The following ADAMTS17 variants were observed in gnomAD, a reference collection of about 807,000 sequenced individuals.
ADAMTS17 encodes ADAM metallopeptidase with thrombospondin type 1 motif 17.
ADAMTS17 carries 113 observed loss-of-function variants against 141.5 expected under a neutral mutation model. The observed-to-expected ratio is 0.80, with a 90% CI of 0.69 to 0.93. The LOEUF (loss-of-function observed/expected upper bound fraction) is 0.93. Among genes scored for constraint, ADAMTS17 ranks in the 40% least tolerant of loss-of-function variants. ADAMTS17 has a pLI of 0.00. For synonymous variants in ADAMTS17, 768 were observed against 630.6 expected, an observed-to-expected ratio of 1.22 and a Z score of -3.27; for missense variants, 1,659 against 1,517.9, an observed-to-expected ratio of 1.09 and a Z score of -1.54.
chr15:100,270,521 T>G (rs983221596), intron 4 of ADAMTS17, among the ~76,000 whole-genome samples: 2 of 152,106 alleles, frequency 1.3e-5, no homozygotes, highest in East Asian at 3.9e-4. Context: ...GTAAAGCCAG[T>G]GTTTGTTTCT....
chr15:100,059,272 C>G (rs1258089752), intron 15 of ADAMTS17, among the ~76,000 whole-genome samples: 1 of 152,258 alleles, frequency 6.6e-6, no homozygotes, highest in Non-Finnish European at 1.5e-5. Flanking sequence ...TGCCCACGCA[C>G]TGCCTGTGGC....
intron 4 of ADAMTS17, among the ~76,000 whole-genome samples, chr15:100,265,905 T>C (rs1243998602): frequency 6.6e-6 from 1 of 152,192 alleles, no homozygotes. Context: ...ACCCTGGGTG[T>C]GGGCAGGTCA....
Position 100,273,680 on chromosome 15 carries a change from C to T in ADAMTS17, c.789+7549G>A, listed in dbSNP as rs1032184618. Among the ~76,000 whole-genome samples, 11 of 152,116 alleles carry T rather than the reference C, an allele frequency of 7.2e-5. 1 individual carries two copies. The highest frequency in any genetic ancestry group is 1.6e-4 in the Non-Finnish European group (11 of 67,986). On this transcript the variant is annotated intron_variant, in intron 4 of 21. Coordinates refer to ENST00000268070, the MANE Select transcript of ADAMTS17 (RefSeq NM_139057.4). ...CTCTATTGTTTTTCTGTCCTTTTCTCTCTGCTTTAATCCATAGCAATCCAA... is the reference window on the plus strand; with the variant it reads ...CTCTATTGTTTTTCTGTCCTTTTCTTTCTGCTTTAATCCATAGCAATCCAA...
At chr15:100,201,476 C>T (rs2041331382) in intron 7 of ADAMTS17, among the ~76,000 whole-genome samples, 1 of 152,194 alleles carries the variant, frequency 6.6e-6, no homozygotes, top group South Asian at 2.1e-4. Flanking sequence ...TACCCAGTCT[C>T]AGGTAGTATC....
chr15:100,157,047 C>G (rs1410463774), intron 8 of ADAMTS17, among the ~76,000 whole-genome samples: 1 of 152,156 alleles, frequency 6.6e-6, no homozygotes, highest in Non-Finnish European at 1.5e-5. Flanking sequence ...AAGCAAAGAC[C>G]TACTTCAAAT....
chr15:100,071,231 G>A (rs1186784610), intron 15 of ADAMTS17, among the ~76,000 whole-genome samples: 3 of 150,298 alleles, frequency 2.0e-5, no homozygotes, highest in African/African-American at 4.9e-5. Context: ...AACAGGCTCA[G>A]AAATTGAGGC....
At chr15:100,266,597 C>T (rs1442689350) in intron 4 of ADAMTS17, among the ~76,000 whole-genome samples, 1 of 152,226 alleles carries the variant, frequency 6.6e-6, no homozygotes, top group Non-Finnish European at 1.5e-5. Flanking sequence ...GGTCGGCCTG[C>T]CCGCTTCTCA....
At chr15:100,094,430 G>A (rs2035642870) in intron 15 of ADAMTS17, among the ~76,000 whole-genome samples, 1 of 152,276 alleles carries the variant, frequency 6.6e-6, no homozygotes, top group Non-Finnish European at 1.5e-5. Context: ...GTGGCCAGAT[G>A]AACAGGTCTG....
intron 15 of ADAMTS17, among the ~76,000 whole-genome samples, 189 bp downstream of exon 15, chr15:100,096,167 G>C (rs544833991): frequency 3.2e-4 from 48 of 152,188 alleles, no homozygotes; most frequent in Non-Finnish European, 6.2e-4. Context: ...TTCACTACTA[G>C]CAACGTGAAG....
chr15:100,307,038 T>G, intron 3 of ADAMTS17, among the ~76,000 whole-genome samples: 1 of 152,160 alleles, frequency 6.6e-6, no homozygotes, highest in South Asian at 2.1e-4. Flanking sequence ...ATCCCAAAAG[T>G]CTGGGTTCAG....
chr15:100,021,271 C>T (rs563312966), intron 18 of ADAMTS17, among the ~76,000 whole-genome samples: 20 of 152,128 alleles, frequency 1.3e-4, no homozygotes, highest in Non-Finnish European at 2.6e-4. Flanking sequence ...TCACTGAAGC[C>T]TAGTGGCCAC....
intron 10 of ADAMTS17, 77 bp downstream of exon 10, chr15:100,152,535 T>C (rs2039219810): frequency 6.3e-7 from 1 of 1,592,744 alleles, no homozygotes. Flanking sequence ...GCCCATGTCC[T>C]CCAGCAGAAG....
chr15:100,326,978 T>G (rs952645789), intron 3 of ADAMTS17, among the ~76,000 whole-genome samples: 4 of 152,216 alleles, frequency 2.6e-5, no homozygotes, highest in African/African-American at 9.6e-5. Context: ...ATGTCAATGA[T>G]GTCTTTAGTG....
intron 18 of ADAMTS17, among the ~76,000 whole-genome samples, chr15:100,004,548 A>T (rs2060998072): frequency 6.6e-6 from 1 of 152,008 alleles, no homozygotes; most frequent in African/African-American, 2.4e-5. Context: ...GCCCCAAAAA[A>T]CTTTAACAGC....
At chr15:100,114,836 C>T (rs532098552) in intron 13 of ADAMTS17, among the ~76,000 whole-genome samples, 12 of 152,260 alleles carry the variant, frequency 7.9e-5, no homozygotes, top group Middle Eastern at 3.4e-3. Context: ...GATAAGGCAA[C>T]GAAACAGTCC....
chr15:100,018,225 G>A (rs1035041022), intron 18 of ADAMTS17, among the ~76,000 whole-genome samples: 4 of 152,176 alleles, frequency 2.6e-5, no homozygotes, highest in Admixed American at 6.5e-5. Flanking sequence ...CATCTGTGTC[G>A]TAGCCTGTGT....
Position 100,202,307 on chromosome 15 carries a change from A to AT in ADAMTS17, c.1076-2885dup, listed in dbSNP as rs960478771. Among the ~76,000 whole-genome samples the AT allele has an allele frequency of 9.5e-4, 145 of 152,012 alleles. No individual in the cohort carries two copies. In the Middle Eastern group the frequency reaches 0.024, roughly 25 times the overall value. ...TTTTAATTTTTCCAAGGTGCAGATG[A>AT]TTTTTTTTTAACTAGAAAACAAAGA... is the stretch of plus-strand genomic sequence containing the variant. On this transcript the variant is annotated intron_variant, in intron 7 of 21. Coordinates refer to ENST00000268070, the MANE Select transcript of ADAMTS17 (RefSeq NM_139057.4).
At chr15:100,308,416 C>T (rs552951688) in intron 3 of ADAMTS17, among the ~76,000 whole-genome samples, 31 of 152,328 alleles carry the variant, frequency 2.0e-4, no homozygotes, top group Middle Eastern at 6.8e-3. Flanking sequence ...ATCGTTCACT[C>T]GCTGGTAGAA....
chr15:99,981,144 G>C (rs371501484), intron 20 of ADAMTS17, among the ~76,000 whole-genome samples: 2 of 152,330 alleles, frequency 1.3e-5, no homozygotes, highest in African/African-American at 4.8e-5. Flanking sequence ...AGGTTGTACT[G>C]AATGGAGCTT....
Sources: gnomAD v4.1 joint callset for allele counts (sites outside exome capture counted in the v4.1 genomes callset) on GRCh38, gnomAD v4.1.1 for gene constraint, MANE v1.5 for transcripts, NCBI Gene and HGNC (gene_info 2026-07-23, HGNC 2026-07-21) for gene names.